Variants in HSPA4L observed in about 807,000 individuals in gnomAD.
The protein encoded by HSPA4L is heat shock 70 kDa protein 4L.
Under a neutral mutation model 100.3 loss-of-function variants are expected in HSPA4L, and 48 were observed. The observed-to-expected ratio is 0.48, with a 90% CI of 0.38 to 0.61. The LOEUF is 0.61. HSPA4L is among the 20% of genes least tolerant of loss of function. HSPA4L has a pLI of 0.00. For missense variants in HSPA4L, 886 were observed against 988.6 expected (o/e 0.90, Z 1.39); for synonymous variants, 319 against 328.2 (o/e 0.97, Z 0.30).
At position 127,839,974 on chromosome 4, in the gene HSPA4L, T is replaced by G. The variant is rs1275081639; in HGVS notation, c.*7100T>G. ...CCATTATTAAAATAACTTGACACTT[T>G]GGGAGGCCAAGCTGGGCAGATCACC... On this transcript the variant is annotated 3_prime_UTR_variant, in exon 19 of 19. Coordinates refer to ENST00000296464, the MANE Select transcript of HSPA4L (RefSeq NM_014278.4). The G allele has an allele frequency of 2.6e-5, 4 of 152,140 alleles. No individual in the cohort carries two copies. The highest frequency in any genetic ancestry group is 5.9e-5 in the Non-Finnish European group (4 of 68,046). 9.4% of individuals were successfully genotyped at this position (152,140 alleles called of 1,614,324 possible).
intron 16 of HSPA4L, among the ~76,000 whole-genome samples, chr4:127,825,530 A>AAT (rs1356456556): frequency 6.6e-6 from 1 of 152,170 alleles, no homozygotes; most frequent in African/African-American, 2.4e-5. Context: ...CATGCCAACA[A>AAT]ATACTTCCAA....
chr4:127,821,182 A>G (rs1578718139), intron 14 of HSPA4L, among the ~76,000 whole-genome samples: 1 of 152,124 alleles, frequency 6.6e-6, no homozygotes, highest in Admixed American at 6.6e-5. Context: ...CTTTTGTAGT[A>G]CCTACCTATA....
intron 14 of HSPA4L, among the ~76,000 whole-genome samples, chr4:127,822,311 C>A (rs1003007308): frequency 6.6e-6 from 1 of 152,174 alleles, no homozygotes; most frequent in Non-Finnish European, 1.5e-5. Context: ...ATAATGACTT[C>A]AAGATTCCTT....
chr4:127,795,817 G>C lies in HSPA4L; in HGVS notation c.215G>C (p.Gly72Ala). The change falls in exon 3 of 19, where the codon GGG becomes GCG. Residue 72 changes from glycine to alanine, a missense_variant. By Grantham distance (60) the Gly-to-Ala change is moderately conservative. Coordinates refer to ENST00000296464, the MANE Select transcript of HSPA4L (RefSeq NM_014278.4). The stretch of plus-strand genomic sequence containing the variant: ...ATTCATGGCTTCAAAAAGCTTCATG[G>C]GCGATCATTTGATGATCCCATTGTG... ...NTIHGFKKLH[G>A]RSFDDPIVQT... 1.2e-6 allele frequency: 2 copies of C among 1,613,396 alleles called. No individual in the cohort carries two copies. The highest frequency in any genetic ancestry group is 1.7e-6 in the Non-Finnish European group (2 of 1,179,518).
intron 8 of HSPA4L, 48 bp downstream of exon 8, chr4:127,804,135 A>G (rs1053861693): frequency 1.1e-5 from 15 of 1,380,328 alleles, no homozygotes; most frequent in Middle Eastern, 1.8e-4. Flanking sequence ...AATGTTGCCT[A>G]CTTAGCGGGG....
rs987045159 is a variant in HSPA4L at position 127,836,743 on chromosome 4, C to G, written c.*3869C>G. Reference sequence around the variant, plus strand: ...ACTGATTTTGTTTTCACCCTAAATACATACAACCATTCCTCCACTTTCATA... The same window carrying G: ...ACTGATTTTGTTTTCACCCTAAATAGATACAACCATTCCTCCACTTTCATA... On this transcript the variant is annotated 3_prime_UTR_variant, in exon 19 of 19. Transcript: ENST00000296464. The G allele has an allele frequency of 3.9e-5, 6 of 152,100 alleles. No individual in the cohort carries two copies. Among genetic ancestry groups the G allele is most frequent in the Admixed American group, 1.3e-4 (2 of 15,270 alleles). The allele number at this position is 152,100 out of a possible 1,614,324, so 9.4% of individuals were successfully genotyped here.
intron 14 of HSPA4L, among the ~76,000 whole-genome samples, chr4:127,821,018 G>A (rs1733796781): frequency 6.6e-6 from 1 of 151,898 alleles, no homozygotes; most frequent in Admixed American, 6.6e-5. Context: ...ACATGTTTAA[G>A]TTACAGTCTC....
In HSPA4L at chr4:127,801,139, T is replaced by C. The variant is rs749799211; in HGVS notation, c.431T>C (p.Ile144Thr). The change falls in exon 5 of 19, where the codon ATT becomes ACT. Residue 144 changes from isoleucine (I) to threonine (T), a missense_variant and splice_region_variant. Coordinates refer to ENST00000296464, the MANE Select transcript of HSPA4L (RefSeq NM_014278.4). Reference sequence around the variant, plus strand: ...TTAACTGTTGTTTTTAAATACTAGATTCCTAGCTTTTTTACTGATGCCGAG... The same window carrying C: ...TTAACTGTTGTTTTTAAATACTAGACTCCTAGCTTTTTTACTGATGCCGAG... The part of the protein sequence containing the change: ...KKPVADCVIS[I>T]PSFFTDAERR... The C allele has an allele frequency of 1.9e-6, 3 of 1,605,780 alleles. No homozygotes were observed. The highest frequency in any genetic ancestry group is 4.5e-5 in the East Asian group (2 of 44,786).
intron 1 of HSPA4L, among the ~76,000 whole-genome samples, chr4:127,784,583 C>T (rs1265321082): frequency 6.6e-6 from 1 of 152,222 alleles, no homozygotes; most frequent in East Asian, 1.9e-4. Flanking sequence ...GATATTCTCA[C>T]TTAGCTTGCA....
At chr4:127,806,846 A>G (rs997551737) in intron 10 of HSPA4L, among the ~76,000 whole-genome samples, 1 of 151,960 alleles carries the variant, frequency 6.6e-6, no homozygotes, top group African/African-American at 2.4e-5. Flanking sequence ...ATTTTTGTAT[A>G]CATTTCAAAA....
intron 1 of HSPA4L, chr4:127,783,624 C>T (rs1435415409): frequency 4.8e-5 from 74 of 1,534,934 alleles, no homozygotes; most frequent in Non-Finnish European, 6.0e-5. Context: ...GCTGCTGTTA[C>T]TGGTAATTTT....
rs1464499491 is a variant in HSPA4L, at chr4:127,839,070, A to T, written c.*6196A>T. ...GAGTATTGCCTATTAAGTAAACAACATCCCTCATTTTTAATCCAAATATCA... is the reference window on the plus strand; with the variant it reads ...GAGTATTGCCTATTAAGTAAACAACTTCCCTCATTTTTAATCCAAATATCA... On this transcript the variant is annotated 3_prime_UTR_variant, in exon 19 of 19. Transcript: ENST00000296464. The T allele has an allele frequency of 6.6e-6, 1 of 152,204 alleles. No homozygotes were observed. The highest frequency in any genetic ancestry group is 2.4e-5 in the African/African-American group (1 of 41,446). 9.4% of individuals were successfully genotyped at this position (152,204 alleles called of 1,614,324 possible). A position where few individuals can be genotyped will look rare whatever the true frequency, so the allele number is the denominator to read the frequency against.
intron 10 of HSPA4L, among the ~76,000 whole-genome samples, chr4:127,806,475 G>T (rs901862293): frequency 6.6e-6 from 1 of 151,878 alleles, no homozygotes; most frequent in African/African-American, 2.4e-5. Flanking sequence ...TCACTAAAAG[G>T]ATACTGGTTT....
intron 5 of HSPA4L, among the ~76,000 whole-genome samples, chr4:127,801,581 A>G (rs1361639543): frequency 1.3e-5 from 2 of 151,744 alleles, no homozygotes; most frequent in Non-Finnish European, 2.9e-5. Flanking sequence ...TGGCTTTACA[A>G]ATCTTTACTA....
intron 1 of HSPA4L, among the ~76,000 whole-genome samples, chr4:127,787,375 T>G (rs558269310): frequency 2.0e-5 from 3 of 152,322 alleles, no homozygotes; most frequent in African/African-American, 7.2e-5. Context: ...TTATATGTTT[T>G]ACTATTTGAG....
At chr4:127,818,277 C>CA (rs745815461) in intron 12 of HSPA4L, 48 bp from the exon 13 acceptor site, 133 of 1,325,606 alleles carry the variant, frequency 1.0e-4, no homozygotes, top group Admixed American at 1.9e-4. Context: ...ATTTTTAAAA[C>CA]AAAAAAAAGA....
At position 127,838,111 on chromosome 4, in the gene HSPA4L, T is replaced by A. The variant is rs1734254505; in HGVS notation, c.*5237T>A. 6.6e-6 allele frequency: 1 copy of A among 152,186 alleles called. No homozygotes were observed. Among genetic ancestry groups the A allele is most frequent in the Non-Finnish European group, 1.5e-5 (1 of 68,018 alleles). 9.4% of individuals were successfully genotyped at this position (152,186 alleles called of 1,614,324 possible). The stretch of plus-strand genomic sequence containing the variant: ...AGCCACCGCACCTGGCCAATGTTCT[T>A]TTATATACTCATGTTTTCTAACAAA... On this transcript the variant is annotated 3_prime_UTR_variant, in exon 19 of 19. Transcript: ENST00000296464.
chr4:127,814,829 T>C (rs1733631054), intron 12 of HSPA4L, among the ~76,000 whole-genome samples: 1 of 152,174 alleles, frequency 6.6e-6, no homozygotes, highest in Non-Finnish European at 1.5e-5. Flanking sequence ...CCTCCCAAAG[T>C]GCTGGGATTA....
chr4:127,827,500 C>A (rs1053349129), intron 17 of HSPA4L, 76 bp downstream of exon 17: 5 of 1,526,260 alleles, frequency 3.3e-6, no homozygotes, highest in Non-Finnish European at 4.5e-6. Flanking sequence ...TAAAAGTTCT[C>A]AGCTACAAAG....
Sources: gnomAD v4.1 joint callset for allele counts (sites outside exome capture counted in the v4.1 genomes callset) on GRCh38, gnomAD v4.1.1 for gene constraint, MANE v1.5 for transcripts, NCBI Gene and HGNC (gene_info 2026-07-23, HGNC 2026-07-21) for gene names.